CRYM: variants seen among roughly 807,000 people sequenced by gnomAD.
CRYM encodes crystallin mu.
CRYM carries 18 observed loss-of-function variants against 32.9 expected under a neutral mutation model. The observed-to-expected ratio is 0.55, with a 90% confidence interval of 0.38 to 0.81. The LOEUF (loss-of-function observed/expected upper bound fraction) is 0.81. Among genes scored for constraint, CRYM ranks in the 30% least tolerant of loss-of-function variants. The probability of loss-of-function intolerance (pLI) is 0.00; values close to 1 mark genes in which losing one functional copy is unlikely to be tolerated. For missense variants in CRYM, 337 were observed against 393.5 expected (o/e 0.86, Z 1.21); for synonymous variants, 153 against 152.4 (o/e 1.00, Z -0.03).
chr16:21,296,512 A>G (rs1960791074), intron 1 of CRYM, among the ~76,000 whole-genome samples: 1 of 152,242 alleles, frequency 6.6e-6, no homozygotes, highest in Non-Finnish European at 1.5e-5. Context: ...TACTCATTGA[A>G]AGGGCAACCA....
At chr16:21,262,000 C>CA (rs768539558) in intron 6 of CRYM, 37 bp downstream of exon 6, 1 of 1,613,152 alleles carries the variant, frequency 6.2e-7, no homozygotes, top group Admixed American at 1.7e-5. Context: ...TGAGGCCAGC[C>CA]AGGTGGCAGC....
chr16:21,302,365 T>C lies in CRYM; in HGVS notation c.-193+613A>G, dbSNP rs1178363716. On this transcript the variant is annotated intron_variant, in intron 1 of 9. Coordinates refer to the CRYM transcript ENST00000219599. ...TTACATTGCGAGAACATGTTAAGTG[T>C]TCCATAAATGGCAGAAGGGGCTGTG... 3.3e-5 allele frequency among the ~76,000 whole-genome samples: 5 copies of C among 152,356 alleles called. No homozygotes were observed. The East Asian group carries it at 9.6e-4, about 29-fold the overall frequency.
intron 3 of CRYM, among the ~76,000 whole-genome samples, chr16:21,274,240 C>G (rs1168208044): frequency 6.6e-6 from 1 of 152,186 alleles, no homozygotes; most frequent in African/African-American, 2.4e-5. Context: ...TTATAGGATG[C>G]CTTGACATTG....
At chr16:21,261,956 TG>T in intron 6 of CRYM, 80 bp downstream of exon 6, 1 of 1,594,100 alleles carries the variant, frequency 6.3e-7, no homozygotes, top group African/African-American at 1.3e-5. Context: ...CAGACCAAAC[TG>T]GAAGGGAAGT....
At chr16:21,295,725 G>A (rs973664047) in intron 1 of CRYM, among the ~76,000 whole-genome samples, 16 of 152,296 alleles carry the variant, frequency 1.1e-4, no homozygotes, top group African/African-American at 3.8e-4. Flanking sequence ...CTGAGGTCAG[G>A]AGTTTGAGAC....
At chr16:21,291,434 ACAATAAC>A (rs985819167) in intron 1 of CRYM, among the ~76,000 whole-genome samples, 13 of 152,174 alleles carry the variant, frequency 8.5e-5, no homozygotes, top group African/African-American at 3.1e-4. Context: ...GTGAATCTTG[ACAATAAC>A]TCAAGTTATA....
At chr16:21,262,595 G>A (rs1424991258) in intron 5 of CRYM, among the ~76,000 whole-genome samples, 1 of 151,980 alleles carries the variant, frequency 6.6e-6, no homozygotes, top group African/African-American at 2.4e-5. Context: ...CTCCAGCCTG[G>A]GCAACAGAGT....
Position 21,269,853 on chromosome 16 carries a change from A to G in CRYM, c.426T>C (p.Leu142=). The change falls in exon 4 of 8, where the codon CTT becomes CTC. Residue 142 remains leucine (L), a synonymous_variant. Coordinates refer to ENST00000572914, the MANE Select transcript of CRYM (RefSeq NM_001376256.1). The part of the protein sequence containing the change: ...KPPSSEVLCI[L]GAGVQAYSHY... ...GGCTGTAGGCCTGGACCCCAGCCCC[A>G]AGGATGCACAGCACTTCACTGCTGG... 5.3e-6 allele frequency: 8 copies of G among 1,519,476 alleles called. No individual in the cohort carries two copies. The highest frequency in any genetic ancestry group is 7.1e-6 in the Non-Finnish European group (8 of 1,129,800). The allele number at this position is 1,519,476 out of a possible 1,614,324, so 94.1% of individuals were successfully genotyped here.
At position 21,299,035 on chromosome 16, in the gene CRYM, A is replaced by G. The variant is rs140928364; in HGVS notation, c.-193+3943T>C. ...CACCAGTGGATCATTACTCACCTGTATAAGAAACTAGAACAAGTGGCCTGA... is the reference window on the plus strand; with the variant it reads ...CACCAGTGGATCATTACTCACCTGTGTAAGAAACTAGAACAAGTGGCCTGA... On this transcript the variant is annotated intron_variant, in intron 1 of 9. Transcript: ENST00000219599. 3.2e-3 allele frequency among the ~76,000 whole-genome samples: 485 copies of G among 152,376 alleles called. 5 individuals carry two copies. The highest frequency in any genetic ancestry group is 4.8e-3 in the Admixed American group (73 of 15,312).
intron 1 of CRYM, among the ~76,000 whole-genome samples, chr16:21,292,350 G>A (rs951048330): frequency 6.6e-6 from 1 of 151,912 alleles, no homozygotes; most frequent in Non-Finnish European, 1.5e-5. Flanking sequence ...AAACATTTAG[G>A]GAAAATTTTA....
At chr16:21,278,298 G>A (rs1286572794), upstream of CRYM, 1 of 1,548,786 alleles carries the variant, frequency 6.5e-7, no homozygotes. Flanking sequence ...CGCGATCCAC[G>A]TACCCTCGGC....
chr16:21,297,980 TA>T lies in CRYM; in HGVS notation c.-193+4997del, dbSNP rs201679271. On this transcript the variant is annotated intron_variant, in intron 1 of 9. Transcript: ENST00000219599. ...CAATACTTGGCCTTTAGCAATGCAT[TA>T]AAAAATGTTTAAATCTTCTTACCAA... Among the ~76,000 whole-genome samples, 194 of 152,352 alleles carry T rather than the reference TA, an allele frequency of 1.3e-3. 4 individuals are homozygous for T. The East Asian group carries it at 0.034, about 26-fold the overall frequency.
rs2093390503 is a variant in CRYM at position 21,278,010 on chromosome 16, C to T, written c.170+72G>A. 4.8e-6 allele frequency: 7 copies of T among 1,473,130 alleles called. No homozygotes were observed. The Middle Eastern group carries it at 7.2e-4, about 153-fold the overall frequency. The allele number at this position is 1,473,130 out of a possible 1,614,324, so 91.3% of individuals were successfully genotyped here. ...AAGCCGTCTCTTCCCTTCTCCCACCCCTCCTCTTCCTGCTCCTCCTTTCCC... is the reference window on the plus strand; with the variant it reads ...AAGCCGTCTCTTCCCTTCTCCCACCTCTCCTCTTCCTGCTCCTCCTTTCCC... On this transcript the variant is annotated intron_variant, in intron 1 of 7. Coordinates refer to ENST00000572914, the MANE Select transcript of CRYM (RefSeq NM_001376256.1).
chr16:21,274,362 C>T (rs1370144703), intron 3 of CRYM, among the ~76,000 whole-genome samples: 1 of 151,954 alleles, frequency 6.6e-6, no homozygotes, highest in Admixed American at 6.6e-5. Flanking sequence ...CAAATGTCAC[C>T]TTCTCAGGGA....
chr16:21,297,219 C>A (rs1177695302), intron 1 of CRYM, among the ~76,000 whole-genome samples: 1 of 151,712 alleles, frequency 6.6e-6, no homozygotes, highest in East Asian at 1.9e-4. Flanking sequence ...ATGGTGAAAC[C>A]CCATCTCTAC....
chr16:21,274,088 T>C (rs1227429534), intron 3 of CRYM, among the ~76,000 whole-genome samples: 1 of 152,222 alleles, frequency 6.6e-6, no homozygotes, highest in Non-Finnish European at 1.5e-5. Flanking sequence ...GTTTCCTTTA[T>C]AATAACTTAG....
intron 3 of CRYM, among the ~76,000 whole-genome samples, chr16:21,272,882 G>C (rs1430856486): frequency 7.6e-6 from 1 of 131,280 alleles, no homozygotes; most frequent in Non-Finnish European, 1.5e-5. Context: ...TGGTCAGGCT[G>C]GTCTTGAACT....
chr16:21,289,381 T>C (rs1357609810), intron 1 of CRYM, among the ~76,000 whole-genome samples: 1 of 152,218 alleles, frequency 6.6e-6, no homozygotes, highest in African/African-American at 2.4e-5. Context: ...CTGACATTAG[T>C]AGAATCATTC....
chr16:21,258,699 G>C lies in CRYM; in HGVS notation c.*82C>G. 8.7e-7 allele frequency: 1 copy of C among 1,153,634 alleles called. No homozygotes were observed. The highest frequency in any genetic ancestry group is 1.3e-6 in the Non-Finnish European group (1 of 762,908). 71.5% of individuals were successfully genotyped at this position (1,153,634 alleles called of 1,614,324 possible). On this transcript the variant is annotated 3_prime_UTR_variant, in exon 8 of 8. Transcript: ENST00000572914. ...CAAAAGGAGAGTTCACTGGGGACTG[G>C]ACTCCCTCATTTACTCTAGAAATTA...
Sources: allele counts gnomAD v4.1 joint callset (sites outside exome capture counted in the v4.1 genomes callset), GRCh38; gene constraint gnomAD v4.1.1; transcripts MANE v1.5; gene names NCBI Gene and HGNC (gene_info 2026-07-23, HGNC 2026-07-21).